The following HNF4G variants were observed in gnomAD, a reference collection of about 807,000 sequenced individuals.
HNF4G encodes hepatocyte nuclear factor 4-gamma.
A neutral mutation model predicts 50.9 loss-of-function variants in HNF4G; 21 were observed. The observed-to-expected ratio is 0.41, with a 90% CI of 0.29 to 0.59. The LOEUF (loss-of-function observed/expected upper bound fraction) is 0.59. Among genes scored for constraint, HNF4G ranks in the 20% least tolerant of loss-of-function variants. The probability of loss-of-function intolerance (pLI) is 0.26; values close to 1 mark genes in which losing one functional copy is unlikely to be tolerated. For synonymous variants in HNF4G, 198 were observed against 185.6 expected, an observed-to-expected ratio of 1.07 and a Z score of -0.54; for missense variants, 527 against 559.4, an observed-to-expected ratio of 0.94 and a Z score of 0.58.
chr8:75,499,661 C>T (rs1454503190), intron 2 of HNF4G, among the ~76,000 whole-genome samples: 1 of 151,882 alleles, frequency 6.6e-6, no homozygotes, highest in Admixed American at 6.6e-5. Flanking sequence ...GTAATTAAAG[C>T]TGTACAGTAC....
At chr8:75,514,974 C>T (rs1194275187) in intron 2 of HNF4G, among the ~76,000 whole-genome samples, 22 of 152,028 alleles carry the variant, frequency 1.4e-4, no homozygotes, top group Admixed American at 1.4e-3. Flanking sequence ...AATAAATATA[C>T]TTGTTATTTA....
In HNF4G at chr8:75,497,038, C is replaced by T. The variant is rs1055859924; in HGVS notation, c.-24+6830C>T. Among the ~76,000 whole-genome samples the T allele has an allele frequency of 2.0e-5, 3 of 151,028 alleles. No homozygotes were observed. The South Asian group carries it at 6.3e-4, about 32-fold the overall frequency. ...TCAGAAAAACCTAGTTGAGTAGGGG[C>T]TACAGCCCTTGGCTTGTTTCTCACT... is the stretch of plus-strand genomic sequence containing the variant. On this transcript the variant is annotated intron_variant, in intron 2 of 10. Transcript: ENST00000354370.
chr8:75,504,471 A>G (rs948513033), intron 2 of HNF4G, among the ~76,000 whole-genome samples: 7 of 151,352 alleles, frequency 4.6e-5, no homozygotes, highest in Non-Finnish European at 1.0e-4. Flanking sequence ...CTCTTGATAT[A>G]TACATATATA....
chr8:75,460,871 G>A (rs1052792293), intron 1 of HNF4G, among the ~76,000 whole-genome samples: 1 of 152,118 alleles, frequency 6.6e-6, no homozygotes, highest in African/African-American at 2.4e-5. Flanking sequence ...AACTTTGAGG[G>A]TTTGGCAGAA....
chr8:75,451,691 C>T (rs1171258565), intron 1 of HNF4G, among the ~76,000 whole-genome samples: 1 of 152,134 alleles, frequency 6.6e-6, no homozygotes, highest in Non-Finnish European at 1.5e-5. Context: ...TATTCTGTCC[C>T]ATTGGTCTAT....
chr8:75,563,724 C>T (rs1461246664), intron 9 of HNF4G, among the ~76,000 whole-genome samples: 2 of 151,620 alleles, frequency 1.3e-5, no homozygotes, highest in Admixed American at 6.6e-5. Context: ...GCAGAAAACA[C>T]CTTAAAGTAA....
At chr8:75,504,635 G>A (rs1813028324) in intron 2 of HNF4G, among the ~76,000 whole-genome samples, 1 of 152,068 alleles carries the variant, frequency 6.6e-6, no homozygotes, top group Non-Finnish European at 1.5e-5. Context: ...ATATTTTGAG[G>A]TTAATGCACT....
chr8:75,414,695 G>T (rs1172300240), intron 1 of HNF4G, among the ~76,000 whole-genome samples: 1 of 152,076 alleles, frequency 6.6e-6, no homozygotes, highest in Non-Finnish European at 1.5e-5. Flanking sequence ...ATTTTGATAT[G>T]CATTTATTTG....
chr8:75,427,718 A>G (rs1810920808), intron 1 of HNF4G, among the ~76,000 whole-genome samples: 1 of 152,152 alleles, frequency 6.6e-6, no homozygotes, highest in Admixed American at 6.6e-5. Flanking sequence ...TAATAAGCCT[A>G]TGTTTCTTTG....
At chr8:75,492,775 C>T (rs1812664446) in intron 2 of HNF4G, among the ~76,000 whole-genome samples, 2 of 152,082 alleles carry the variant, frequency 1.3e-5, no homozygotes. Context: ...TCACAGAAAC[C>T]ACTCAAGGAA....
At chr8:75,520,265 T>G (rs1416265883) in intron 2 of HNF4G, among the ~76,000 whole-genome samples, 1 of 152,128 alleles carries the variant, frequency 6.6e-6, no homozygotes, top group Admixed American at 6.6e-5. Context: ...GTCTTGAATA[T>G]AGAAAGAGCT....
intron 1 of HNF4G, among the ~76,000 whole-genome samples, chr8:75,476,440 C>T (rs986512920): frequency 1.3e-5 from 2 of 152,118 alleles, no homozygotes; most frequent in African/African-American, 4.8e-5. Context: ...CCCTTTTCTC[C>T]ACACCCTTGA....
At chr8:75,464,665 T>C (rs1028950263) in intron 1 of HNF4G, among the ~76,000 whole-genome samples, 2 of 152,218 alleles carry the variant, frequency 1.3e-5, no homozygotes, top group Admixed American at 1.3e-4. Context: ...GTTTTAACTT[T>C]TATGGAGTCT....
At chr8:75,449,989 C>T (rs1030722269) in intron 1 of HNF4G, among the ~76,000 whole-genome samples, 4 of 152,118 alleles carry the variant, frequency 2.6e-5, no homozygotes, top group Non-Finnish European at 5.9e-5. Context: ...CCTTTGACAA[C>T]AAATATCTCC....
intron 1 of HNF4G, among the ~76,000 whole-genome samples, chr8:75,471,520 A>G (rs1330549244): frequency 1.3e-5 from 2 of 152,216 alleles, no homozygotes; most frequent in Non-Finnish European, 2.9e-5. Context: ...CTGTTAAAGT[A>G]TCTCATTTGA....
At chr8:75,485,330 A>T (rs1812475430) in intron 1 of HNF4G, among the ~76,000 whole-genome samples, 1 of 152,172 alleles carries the variant, frequency 6.6e-6, no homozygotes, top group Admixed American at 6.6e-5. Context: ...AAGAGTTTCC[A>T]CTCATCAAAA....
intron 2 of HNF4G, among the ~76,000 whole-genome samples, chr8:75,529,618 A>G (rs997044327): frequency 4.6e-5 from 7 of 152,160 alleles, no homozygotes; most frequent in African/African-American, 1.4e-4. Context: ...TAGGAAATGG[A>G]CAATGATCAT....
chr8:75,543,035 C>T (rs764387342), intron 1 of HNF4G, among the ~76,000 whole-genome samples: 7 of 151,928 alleles, frequency 4.6e-5, no homozygotes, highest in East Asian at 1.9e-4. Context: ...GGTGAAACCC[C>T]GTCTCTACTA....
chr8:75,450,599 G>A (rs1462389947), intron 1 of HNF4G, among the ~76,000 whole-genome samples: 1 of 152,142 alleles, frequency 6.6e-6, no homozygotes, highest in African/African-American at 2.4e-5. Context: ...TTTAACACTA[G>A]TGGTCTTTCA....
Sources: gnomAD v4.1 joint callset for allele counts (sites outside exome capture counted in the v4.1 genomes callset) on GRCh38, gnomAD v4.1.1 for gene constraint, MANE v1.5 for transcripts, NCBI Gene and HGNC (gene_info 2026-07-23, HGNC 2026-07-21) for gene names.